Variants in LDLRAD4 observed in about 807,000 individuals in gnomAD.
LDLRAD4 encodes low-density lipoprotein receptor class A domain-containing protein 4.
A neutral mutation model predicts 17.0 loss-of-function variants in LDLRAD4; 5 were observed. That is an observed-to-expected ratio of 0.29 (90% CI 0.15 to 0.62). The LOEUF is 0.62. LDLRAD4 is among the 20% of genes least tolerant of loss of function. The pLI is 0.84. For synonymous variants in LDLRAD4, 168 were observed against 171.8 expected, an observed-to-expected ratio of 0.98 and a Z score of 0.17; for missense variants, 340 against 424.7, an observed-to-expected ratio of 0.80 and a Z score of 1.75.
At chr18:13,446,942 C>T (rs899026742) in intron 3 of LDLRAD4, among the ~76,000 whole-genome samples, 2 of 152,208 alleles carry the variant, frequency 1.3e-5, no homozygotes, top group South Asian at 4.1e-4. Flanking sequence ...CCCATGTTGA[C>T]GTTGCTGACT....
chr18:13,294,509 C>T, intron 1 of LDLRAD4, among the ~76,000 whole-genome samples: 1 of 152,114 alleles, frequency 6.6e-6, no homozygotes, highest in Admixed American at 6.5e-5. Flanking sequence ...AGAAAGAGAC[C>T]AAAGCTATCT....
At chr18:13,474,822 T>G (rs1199765203) in intron 3 of LDLRAD4, among the ~76,000 whole-genome samples, 4 of 152,166 alleles carry the variant, frequency 2.6e-5, no homozygotes, top group Non-Finnish European at 1.5e-5. Flanking sequence ...GATTTTTGGG[T>G]GGCAGTTAGA....
chr18:13,605,900 C>T (rs1487689369), intron 3 of LDLRAD4, among the ~76,000 whole-genome samples: 2 of 152,114 alleles, frequency 1.3e-5, no homozygotes, highest in Non-Finnish European at 2.9e-5. Flanking sequence ...TGGTGACATG[C>T]ACATCACTCT....
intron 3 of LDLRAD4, chr18:13,614,662 G>A (rs1601720878): frequency 6.6e-6 from 1 of 152,072 alleles, no homozygotes; most frequent in African/African-American, 2.4e-5. Context: ...ATCTCCAAGA[G>A]TATTTTTATA....
intron 4 of LDLRAD4, among the ~76,000 whole-genome samples, chr18:13,627,668 G>T (rs1027881326): frequency 1.2e-4 from 19 of 152,206 alleles, no homozygotes; most frequent in Admixed American, 9.2e-4. Flanking sequence ...TGCGTGTCCT[G>T]TGCCCAGCCT....
chr18:13,641,336 T>G (rs2042534699), intron 4 of LDLRAD4, among the ~76,000 whole-genome samples: 1 of 152,194 alleles, frequency 6.6e-6, no homozygotes. Context: ...TTTAGATAGA[T>G]AGCCTAGATT....
At position 13,246,132 on chromosome 18, in the gene LDLRAD4, T is replaced by C. The variant is rs1598877199; in HGVS notation, c.-467+27144T>C. ...CTGTATTTTTAGAGGCTAATTAAAGTGTGCGAACAACGATAAATTCAGATA... is the reference window on the plus strand; with the variant it reads ...CTGTATTTTTAGAGGCTAATTAAAGCGTGCGAACAACGATAAATTCAGATA... On this transcript the variant is annotated intron_variant, in intron 1 of 5. Transcript: ENST00000399848. 3.3e-5 allele frequency among the ~76,000 whole-genome samples: 5 copies of C among 152,366 alleles called. No individual in the cohort carries two copies. In the East Asian group the frequency reaches 9.6e-4, roughly 29 times the overall value.
In LDLRAD4 at chr18:13,645,509, T is replaced by C. The variant is rs1339189345; in HGVS notation, c.773T>C (p.Val258Ala). ...GGGCCACCCCCCACATACAGCGAGG[T>C]GATGGGCCACCACCCAGGCGCCTCT... The change falls in exon 6 of 6, where the codon GTG becomes GCG. Residue 258 changes from valine to alanine, a missense_variant. Val to Ala is a moderately conservative substitution (Grantham distance 64). Coordinates refer to ENST00000359446, the Ensembl canonical transcript of LDLRAD4. The surrounding 1 kb of genome is among the most constrained non-coding windows in gnomAD (Gnocchi z 5.7). 6.2e-7 allele frequency: 1 copy of C among 1,610,530 alleles called. No individual in the cohort carries two copies. The highest frequency in any genetic ancestry group is 1.3e-5 in the African/African-American group (1 of 74,840).
intron 1 of LDLRAD4, among the ~76,000 whole-genome samples, chr18:13,313,159 G>C (rs1200206610): frequency 6.6e-6 from 1 of 152,168 alleles, no homozygotes; most frequent in Non-Finnish European, 1.5e-5. Context: ...TTATTTGTAC[G>C]TGTTCTGTTA....
chr18:13,383,173 C>T (rs992232802), intron 1 of LDLRAD4, among the ~76,000 whole-genome samples: 1 of 152,246 alleles, frequency 6.6e-6, no homozygotes, highest in Non-Finnish European at 1.5e-5. Context: ...GCTGAGCCTT[C>T]TCTGCGCTGT....
chr18:13,396,308 C>A (rs1310699624), intron 2 of LDLRAD4, among the ~76,000 whole-genome samples: 1 of 152,190 alleles, frequency 6.6e-6, no homozygotes, highest in East Asian at 1.9e-4. Context: ...TCTGTTAGCA[C>A]AATCAGCCTT....
intron 3 of LDLRAD4, among the ~76,000 whole-genome samples, chr18:13,463,775 A>T (rs2092522909): frequency 6.6e-6 from 1 of 152,212 alleles, no homozygotes; most frequent in Non-Finnish European, 1.5e-5. Flanking sequence ...CCCCGCCTTT[A>T]GGGAGCTGCA....
chr18:13,618,553 T>G (rs955311734), intron 3 of LDLRAD4, among the ~76,000 whole-genome samples: 3 of 152,342 alleles, frequency 2.0e-5, no homozygotes, highest in African/African-American at 7.2e-5. Flanking sequence ...CCTAGAAAGG[T>G]GTCCTCCAAG....
intron 1 of LDLRAD4, among the ~76,000 whole-genome samples, chr18:13,375,930 G>A (rs1361316519): frequency 6.6e-6 from 1 of 152,212 alleles, no homozygotes; most frequent in Non-Finnish European, 1.5e-5. Flanking sequence ...TAAAAATAGA[G>A]GGTAGTTTTG....
chr18:13,384,026 G>A (rs1384841106), intron 1 of LDLRAD4, among the ~76,000 whole-genome samples: 1 of 152,194 alleles, frequency 6.6e-6, no homozygotes, highest in African/African-American at 2.4e-5. Flanking sequence ...TGTTCACCCT[G>A]CTTTTGTTGG....
At chr18:13,234,269 G>A (rs955106705) in intron 1 of LDLRAD4, among the ~76,000 whole-genome samples, 1 of 152,100 alleles carries the variant, frequency 6.6e-6, no homozygotes, top group South Asian at 2.1e-4. Context: ...GTACCCCCTC[G>A]CCGCACAGGC....
intron 3 of LDLRAD4, among the ~76,000 whole-genome samples, chr18:13,519,450 T>C (rs1182317171): frequency 6.6e-6 from 1 of 152,194 alleles, no homozygotes; most frequent in Non-Finnish European, 1.5e-5. Flanking sequence ...CTAAAAAGAC[T>C]TGACAACTTC....
At chr18:13,508,749 A>T (rs1402614727) in intron 3 of LDLRAD4, among the ~76,000 whole-genome samples, 1 of 152,248 alleles carries the variant, frequency 6.6e-6, no homozygotes, top group Non-Finnish European at 1.5e-5. Flanking sequence ...CTGGTCACCA[A>T]GAGCTCTGAT....
chr18:13,472,237 C>G (rs1426622282), intron 3 of LDLRAD4: 1 of 152,322 alleles, frequency 6.6e-6, no homozygotes, highest in Non-Finnish European at 1.5e-5. Context: ...GCAACCAGAT[C>G]AGCTCTCTGC....
Sources: allele counts gnomAD v4.1 joint callset (sites outside exome capture counted in the v4.1 genomes callset), GRCh38; gene constraint gnomAD v4.1.1; non-coding constraint Gnocchi (gnomAD v3.1); transcripts MANE v1.5; gene names NCBI Gene and HGNC (gene_info 2026-07-23, HGNC 2026-07-21).